Variants in TCF7L1 observed in about 807,000 individuals in gnomAD.
The protein encoded by TCF7L1 is transcription factor 7-like 1.
In TCF7L1, 18 loss-of-function variants were observed where a neutral mutation model predicts 63.7. The observed-to-expected ratio is 0.28, with a 90% CI of 0.20 to 0.42. TCF7L1 has a LOEUF of 0.42. Ranked by LOEUF, TCF7L1 falls within the 10% of genes least tolerant of loss-of-function variation. The probability of loss-of-function intolerance (pLI) is 1.00; values close to 1 mark genes in which losing one functional copy is unlikely to be tolerated. For synonymous variants in TCF7L1, 355 were observed against 340.9 expected, an observed-to-expected ratio of 1.04 and a Z score of -0.46; for missense variants, 654 against 779.3, an observed-to-expected ratio of 0.84 and a Z score of 1.91.
chr2:85,305,201 G>A (rs1239841347), intron 7 of TCF7L1, 59 bp from the exon 8 acceptor site: 1 of 1,612,100 alleles, frequency 6.2e-7, no homozygotes, highest in Non-Finnish European at 8.5e-7. Flanking sequence ...GTCCTCTGCT[G>A]GGTGGCAGGT....
intron 3 of TCF7L1, among the ~76,000 whole-genome samples, chr2:85,257,987 G>A (rs1680760576): frequency 1.3e-5 from 2 of 152,174 alleles, no homozygotes; most frequent in African/African-American, 2.4e-5. Context: ...CCCTAGCTGT[G>A]TGGCCTTGGA....
chr2:85,260,164 C>T (rs1269217586), intron 3 of TCF7L1, among the ~76,000 whole-genome samples: 2 of 152,318 alleles, frequency 1.3e-5, no homozygotes, highest in East Asian at 3.8e-4. Flanking sequence ...CACAATGTTA[C>T]AGTAACATCA....
At chr2:85,136,858 G>A (rs1390111857) in intron 3 of TCF7L1, among the ~76,000 whole-genome samples, 3 of 152,152 alleles carry the variant, frequency 2.0e-5, no homozygotes, top group African/African-American at 7.2e-5. Flanking sequence ...GTTTTCTGCT[G>A]AACGATTCTA....
chr2:85,147,452 A>G (rs1558616104), intron 3 of TCF7L1, among the ~76,000 whole-genome samples: 1 of 151,980 alleles, frequency 6.6e-6, no homozygotes, highest in East Asian at 1.9e-4. Context: ...CACCTCCTAG[A>G]TGAGGGCAGT....
intron 3 of TCF7L1, among the ~76,000 whole-genome samples, chr2:85,245,016 C>T (rs147113366): frequency 6.6e-6 from 1 of 152,234 alleles, no homozygotes; most frequent in Non-Finnish European, 1.5e-5. Context: ...GAGAAACAAC[C>T]ATTAGGTTTA....
chr2:85,297,321 C>T (rs1247344511), intron 4 of TCF7L1, among the ~76,000 whole-genome samples: 3 of 152,150 alleles, frequency 2.0e-5, no homozygotes, highest in Non-Finnish European at 2.9e-5. Context: ...TCACATTTTT[C>T]GTAGCCTGCA....
At chr2:85,142,798 G>A (rs1677777260) in intron 3 of TCF7L1, among the ~76,000 whole-genome samples, 1 of 152,176 alleles carries the variant, frequency 6.6e-6, no homozygotes. Context: ...CCTTTGCTCT[G>A]TGCTGTATGC....
intron 3 of TCF7L1, among the ~76,000 whole-genome samples, chr2:85,210,307 G>A (rs1679512971): frequency 6.6e-6 from 1 of 152,220 alleles, no homozygotes; most frequent in African/African-American, 2.4e-5. Flanking sequence ...GAGGCTGAGG[G>A]CCCAGCACAG....
intron 3 of TCF7L1, among the ~76,000 whole-genome samples, chr2:85,230,319 C>T (rs1047069976): frequency 6.6e-6 from 1 of 152,154 alleles, no homozygotes; most frequent in Non-Finnish European, 1.5e-5. Context: ...GATTTGGGCT[C>T]ATTGAGTAAA....
chr2:85,261,126 GTGTGTGTGTGTGTGTGTGTGTGT>G (rs1680849132), intron 3 of TCF7L1, among the ~76,000 whole-genome samples: 4 of 106,828 alleles, frequency 3.7e-5, no homozygotes, highest in African/African-American at 1.7e-4. Context: ...TATTGCTGGT[GTGTGTGTGTGTGTGTGTGTGTGT>G]GTGTGTGTGT....
intron 3 of TCF7L1, among the ~76,000 whole-genome samples, chr2:85,273,353 T>A (rs547815305): frequency 1.3e-5 from 2 of 152,344 alleles, no homozygotes; most frequent in East Asian, 3.9e-4. Flanking sequence ...GCAGATTATG[T>A]GCCCCACTTC....
intron 3 of TCF7L1, among the ~76,000 whole-genome samples, chr2:85,252,796 A>G (rs1680626272): frequency 6.6e-6 from 1 of 152,160 alleles, no homozygotes; most frequent in Non-Finnish European, 1.5e-5. Context: ...CCCCAGGGAA[A>G]CTGTTCTGAG....
At chr2:85,274,277 G>A (rs1401763646) in intron 3 of TCF7L1, among the ~76,000 whole-genome samples, 1 of 152,234 alleles carries the variant, frequency 6.6e-6, no homozygotes, top group Admixed American at 6.5e-5. Context: ...GCTCCAGGCT[G>A]CAGAAATGCG....
chr2:85,305,177 C>A, intron 7 of TCF7L1, 83 bp from the exon 8 acceptor site: 3 of 1,590,632 alleles, frequency 1.9e-6, no homozygotes, highest in Non-Finnish European at 2.6e-6. Flanking sequence ...GCCCTTAAGG[C>A]AGAGAGCCAC....
chr2:85,283,507 A>T lies in TCF7L1; in HGVS notation c.454A>T (p.Lys152Ter). ...PGGARTYLQM[K>*]WPLLDVPSSA... is the part of the protein sequence containing the mutation. ...GTTCCCTGTGCAGTACCTGCAGATG[A>T]AATGGCCCCTCCTCGATGTCCCCTC... is the stretch of plus-strand genomic sequence containing the variant. Residue 152 changes from lysine (K) to a stop codon, truncating the protein, a stop_gained, in exon 4 of 12, where the codon AAA (lysine) becomes TAA (stop). Transcript: ENST00000282111. LOFTEE classifies it high-confidence loss of function. The T allele has an allele frequency of 6.2e-7, 1 of 1,614,138 alleles. No individual in the cohort carries two copies. Among genetic ancestry groups the T allele is most frequent in the Non-Finnish European group, 8.5e-7 (1 of 1,180,022 alleles).
chr2:85,283,422 G>A, intron 3 of TCF7L1, 73 bp from the exon 4 acceptor site: 1 of 1,557,704 alleles, frequency 6.4e-7, no homozygotes, highest in South Asian at 1.1e-5. Context: ...CCTAACAGCA[G>A]AGCCCAGCAA....
chr2:85,216,686 T>C lies in TCF7L1; in HGVS notation c.442-66809T>C, dbSNP rs528827567. Among the ~76,000 whole-genome samples the C allele has an allele frequency of 2.0e-4, 30 of 152,176 alleles. No homozygotes were observed. The South Asian group carries it at 6.2e-3, about 32-fold the overall frequency. ...GTGTGTGTGCATCCCCCTCTCCAGT[T>C]AGCAATTACCGAACAACTTCTGTGG... On this transcript the variant is annotated intron_variant, in intron 3 of 11. Coordinates refer to ENST00000282111, the MANE Select transcript of TCF7L1 (RefSeq NM_031283.3).
intron 3 of TCF7L1, among the ~76,000 whole-genome samples, chr2:85,237,294 GT>G (rs1680213464): frequency 1.3e-5 from 2 of 152,278 alleles, no homozygotes; most frequent in African/African-American, 4.8e-5. Flanking sequence ...GAAGGATGCA[GT>G]GGTGCAATCA....
rs1359036197 is a variant in TCF7L1 at position 85,306,774 on chromosome 2, C to T, written c.1257+215C>T. 2.0e-5 allele frequency among the ~76,000 whole-genome samples: 3 copies of T among 152,224 alleles called. No homozygotes were observed. The highest frequency in any genetic ancestry group is 4.4e-5 in the Non-Finnish European group (3 of 68,044). ...CCGCCTCCCCGGTTCACACCATTCT[C>T]CTGTCTCAGCCTCCCGAGTAGCTGG... is the stretch of plus-strand genomic sequence containing the variant. On this transcript the variant is annotated intron_variant, in intron 10 of 11. Coordinates refer to ENST00000282111, the MANE Select transcript of TCF7L1 (RefSeq NM_031283.3). The surrounding 1 kb of genome is among the most constrained non-coding windows in gnomAD (Gnocchi z 4.3).
Sources: allele counts gnomAD v4.1 joint callset (sites outside exome capture counted in the v4.1 genomes callset), GRCh38; gene constraint gnomAD v4.1.1; non-coding constraint Gnocchi (gnomAD v3.1); transcripts MANE v1.5; gene names NCBI Gene and HGNC (gene_info 2026-07-23, HGNC 2026-07-21).